The following THSD7A variants were observed in gnomAD, a reference collection of about 807,000 sequenced individuals.
THSD7A encodes thrombospondin type-1 domain-containing protein 7A.
In THSD7A, 96 loss-of-function variants were observed where a neutral mutation model predicts 231.3. The ratio of observed to expected loss-of-function variants is 0.41; its 90% CI spans 0.35 to 0.49. The LOEUF (loss-of-function observed/expected upper bound fraction) is 0.49. Among genes scored for constraint, THSD7A ranks in the 20% least tolerant of loss-of-function variants. The pLI, the probability that THSD7A is intolerant of heterozygous loss-of-function variation, is 0.05. For missense variants in THSD7A, 2,290 were observed against 2,070.2 expected, an observed-to-expected ratio of 1.11 and a Z score of -2.06; for synonymous variants, 940 against 743.3, an observed-to-expected ratio of 1.26 and a Z score of -4.30.
chr7:11,461,307 G>A (rs1785497301), intron 10 of THSD7A, among the ~76,000 whole-genome samples: 1 of 152,118 alleles, frequency 6.6e-6, no homozygotes, highest in African/African-American at 2.4e-5. Context: ...CAGAATTAAA[G>A]ATTGATATAT....
At chr7:11,693,343 T>C (rs1463596187) in intron 1 of THSD7A, among the ~76,000 whole-genome samples, 1 of 151,568 alleles carries the variant, frequency 6.6e-6, no homozygotes, top group Non-Finnish European at 1.5e-5. Flanking sequence ...TATCATTTTA[T>C]ACTTCACAGA....
At chr7:11,737,044 T>C (rs1047127787) in intron 1 of THSD7A, among the ~76,000 whole-genome samples, 8 of 152,072 alleles carry the variant, frequency 5.3e-5, no homozygotes, top group East Asian at 1.9e-4. Context: ...TCTGCCATGA[T>C]TGTAAGTTTC....
rs747391850 is a variant in THSD7A, at chr7:11,636,346, C to T, written c.806G>A (p.Arg269Gln). The change falls in exon 2 of 28, where the codon CGA (arginine) becomes CAA (glutamine). Residue 269 changes from arginine to glutamine, a missense_variant. Coordinates refer to ENST00000423059, the MANE Select transcript of THSD7A (RefSeq NM_015204.3). The surrounding 1 kb of genome is among the most constrained non-coding windows in gnomAD (Gnocchi z 10.0). ...PWSTCSMPHS[R>Q]QVRQARRRGK... is the part of the protein sequence containing the mutation. ...GCGTCTCCTTGCTTGTCTTACTTGT[C>T]GGGAGTGGGGCATTGAGCAGGTGCT... 6 of 1,613,872 alleles carry T rather than the reference C, an allele frequency of 3.7e-6. No individual in the cohort carries two copies. Among genetic ancestry groups the T allele is most frequent in the African/African-American group, 1.3e-5 (1 of 75,030 alleles).
At chr7:11,554,764 C>T (rs1023456013) in intron 4 of THSD7A, among the ~76,000 whole-genome samples, 2 of 151,624 alleles carry the variant, frequency 1.3e-5, no homozygotes, top group Non-Finnish European at 2.9e-5. Context: ...ACTGTCAGTG[C>T]CTTTGTTGCC....
chr7:11,820,522 A>C (rs1784842685), intron 1 of THSD7A: 7 of 751,484 alleles, frequency 9.3e-6, no homozygotes, highest in Non-Finnish European at 1.5e-5. Context: ...TCTAGGTCCC[A>C]CTCCTCTTAC....
At position 11,753,644 on chromosome 7, in the gene THSD7A, C is replaced by T. The variant is rs1192148190; in HGVS notation, c.190+78113G>A. ...AGCTGTCACTGTCACTACTGTTAAT[C>T]TGGGCCCAGTTCCCAGTCTGGCTGG... On this transcript the variant is annotated intron_variant, in intron 1 of 27. Transcript: ENST00000423059. Among the ~76,000 whole-genome samples, 4 of 151,674 alleles carry T rather than the reference C, an allele frequency of 2.6e-5. 1 individual carries two copies. Among genetic ancestry groups the T allele is most frequent in the Admixed American group, 2.6e-4 (4 of 15,176 alleles).
chr7:11,510,196 C>A lies in THSD7A; in HGVS notation c.1823-28214G>T, dbSNP rs554034319. On this transcript the variant is annotated intron_variant, in intron 6 of 27. Transcript: ENST00000423059. The stretch of plus-strand genomic sequence containing the variant: ...AAAGAAACTGTTTTAAATTCCTGGA[C>A]ACAAACACCCTCCCAAGACTAAACC... Among the ~76,000 whole-genome samples the A allele has an allele frequency of 2.6e-5, 4 of 152,262 alleles. No homozygotes were observed. The South Asian group carries it at 8.3e-4, about 32-fold the overall frequency.
chr7:11,440,551 T>G (rs1784771859), intron 13 of THSD7A, among the ~76,000 whole-genome samples: 1 of 152,076 alleles, frequency 6.6e-6, no homozygotes, highest in Non-Finnish European at 1.5e-5. Flanking sequence ...ATATCTACCT[T>G]AACAGGAGTT....
In THSD7A at chr7:11,386,334, C is replaced by T. The variant is rs1782742573; in HGVS notation, c.4412-3718G>A. ...TTGAACTAATTGATACTTCCACCAA[C>T]AGTGTAAAAGCGTTCCTGTTTCTCC... On this transcript the variant is annotated intron_variant, in intron 23 of 27. Coordinates refer to ENST00000423059, the MANE Select transcript of THSD7A (RefSeq NM_015204.3). Among the ~76,000 whole-genome samples, 4 of 152,240 alleles carry T rather than the reference C, an allele frequency of 2.6e-5. No homozygotes were observed. In the South Asian group the frequency reaches 8.3e-4, roughly 31 times the overall value.
chr7:11,569,883 T>C (rs1020328043), intron 4 of THSD7A, among the ~76,000 whole-genome samples: 1 of 152,130 alleles, frequency 6.6e-6, no homozygotes, highest in African/African-American at 2.4e-5. Flanking sequence ...GCTACATGGA[T>C]GAAACTAGGC....
chr7:11,473,998 T>C (rs1441378235), intron 8 of THSD7A, among the ~76,000 whole-genome samples: 1 of 152,194 alleles, frequency 6.6e-6, no homozygotes, highest in Admixed American at 6.5e-5. Flanking sequence ...TGACCTACAC[T>C]GCCAGGACCT....
At chr7:11,735,205 C>A (rs1781874032) in intron 1 of THSD7A, among the ~76,000 whole-genome samples, 1 of 151,752 alleles carries the variant, frequency 6.6e-6, no homozygotes, top group South Asian at 2.1e-4. Context: ...ACTTATTTGG[C>A]ACTTAAGAAT....
At chr7:11,552,101 G>A (rs981280475) in intron 4 of THSD7A, among the ~76,000 whole-genome samples, 1 of 152,072 alleles carries the variant, frequency 6.6e-6, no homozygotes. Flanking sequence ...TCACTTACAA[G>A]TGGAAGCTGA....
intron 23 of THSD7A, among the ~76,000 whole-genome samples, chr7:11,392,268 T>A (rs1210396327): frequency 6.6e-6 from 1 of 151,898 alleles, no homozygotes; most frequent in Non-Finnish European, 1.5e-5. Flanking sequence ...GGTGGGGTGT[T>A]GCCTCACCTG....
chr7:11,479,735 G>C (rs1292291124), intron 7 of THSD7A, among the ~76,000 whole-genome samples: 1 of 152,134 alleles, frequency 6.6e-6, no homozygotes, highest in Non-Finnish European at 1.5e-5. Context: ...ACATGTTTCA[G>C]TGTCCACTAA....
intron 23 of THSD7A, among the ~76,000 whole-genome samples, chr7:11,389,864 A>C (rs1261360404): frequency 1.3e-5 from 2 of 151,962 alleles, no homozygotes; most frequent in African/African-American, 4.8e-5. Context: ...TTTCTCTTTC[A>C]CTTATGAAGC....
intron 2 of THSD7A, among the ~76,000 whole-genome samples, chr7:11,605,796 C>G (rs1780715625): frequency 6.6e-6 from 1 of 152,058 alleles, no homozygotes; most frequent in Non-Finnish European, 1.5e-5. Context: ...AATTGCACTG[C>G]TGTTTCTCTA....
chr7:11,534,197 T>G (rs891864977), intron 6 of THSD7A, among the ~76,000 whole-genome samples: 4 of 151,448 alleles, frequency 2.6e-5, no homozygotes, highest in African/African-American at 9.7e-5. Context: ...TGAAAATAAT[T>G]GTAACCAGAG....
chr7:11,564,238 T>G (rs7799796), intron 4 of THSD7A, among the ~76,000 whole-genome samples: 86,394 of 152,044 alleles, frequency 0.57, 24,825 homozygotes, highest in Middle Eastern at 0.67. Context: ...TATTCTAGTT[T>G]TAACTTCCCA....
Sources: allele counts gnomAD v4.1 joint callset (sites outside exome capture counted in the v4.1 genomes callset), GRCh38; gene constraint gnomAD v4.1.1; non-coding constraint Gnocchi (gnomAD v3.1); transcripts MANE v1.5; gene names NCBI Gene and HGNC (gene_info 2026-07-23, HGNC 2026-07-21).